The following KLF3 variants were observed in gnomAD, a reference collection of about 807,000 sequenced individuals.
The protein encoded by KLF3 is Krueppel-like factor 3.
In KLF3, 6 loss-of-function variants were observed where a neutral mutation model predicts 32.7. The ratio of observed to expected loss-of-function variants is 0.18; its 90% CI spans 0.10 to 0.36. The LOEUF is 0.36. Ranked by LOEUF, KLF3 falls within the 10% of genes least tolerant of loss-of-function variation. KLF3 has a pLI of 1.00. For synonymous variants in KLF3, 145 were observed against 172.8 expected (o/e 0.84, Z 1.26); for missense variants, 338 against 449.7 (o/e 0.75, Z 2.25).
At chr4:38,672,228 T>C (rs1722217174) in intron 1 of KLF3, among the ~76,000 whole-genome samples, 1 of 152,212 alleles carries the variant, frequency 6.6e-6, no homozygotes, top group Admixed American at 6.5e-5. Flanking sequence ...TACTATAAGC[T>C]AAGTGCTCTT....
intron 1 of KLF3, among the ~76,000 whole-genome samples, chr4:38,679,309 A>T (rs1722447407): frequency 6.6e-6 from 1 of 152,246 alleles, no homozygotes; most frequent in South Asian, 2.1e-4. Context: ...AAATAACTTC[A>T]ATAACCAAAT....
chr4:38,669,921 A>AAAAAAAAAAAAC (rs1722149653), intron 1 of KLF3, among the ~76,000 whole-genome samples: 1 of 136,620 alleles, frequency 7.3e-6, no homozygotes, highest in African/African-American at 2.8e-5. Context: ...AAAAAAAAAA[A>AAAAAAAAAAAAC]AAGATGTCCT....
chr4:38,680,232 G>T (rs370177050), intron 1 of KLF3, among the ~76,000 whole-genome samples: 3 of 149,768 alleles, frequency 2.0e-5, no homozygotes, highest in African/African-American at 4.9e-5. Context: ...TTTTTTTTTT[G>T]AGGTAGTGCC....
At chr4:38,677,779 A>G (rs1287840570) in intron 1 of KLF3, among the ~76,000 whole-genome samples, 1 of 152,150 alleles carries the variant, frequency 6.6e-6, no homozygotes, top group Non-Finnish European at 1.5e-5. Flanking sequence ...AACGCCAGAC[A>G]TTTTTGCTCC....
chr4:38,672,339 G>A (rs1722221148), intron 1 of KLF3, among the ~76,000 whole-genome samples: 1 of 152,188 alleles, frequency 6.6e-6, no homozygotes, highest in African/African-American at 2.4e-5. Context: ...GCTGAGGCCT[G>A]CCTGTCTGTC....
intron 1 of KLF3, among the ~76,000 whole-genome samples, chr4:38,672,795 G>A (rs775006302): frequency 3.3e-5 from 5 of 152,174 alleles, no homozygotes; most frequent in Non-Finnish European, 7.3e-5. Context: ...GAGAGGCTGA[G>A]GGAGACCAGT....
chr4:38,665,237 C>A (rs1050532535), intron 1 of KLF3, among the ~76,000 whole-genome samples: 3 of 152,136 alleles, frequency 2.0e-5, no homozygotes, highest in African/African-American at 7.2e-5. Context: ...GCCGCAGTGC[C>A]TGGAGCAAGG....
intron 2 of KLF3, among the ~76,000 whole-genome samples, chr4:38,683,993 C>T (rs1410935954): frequency 6.6e-6 from 1 of 152,150 alleles, no homozygotes; most frequent in Non-Finnish European, 1.5e-5. Flanking sequence ...CGCACCATGC[C>T]TTCCTGTGCC....
chr4:38,686,571 T>C (rs1334517505), intron 2 of KLF3, among the ~76,000 whole-genome samples: 1 of 152,098 alleles, frequency 6.6e-6, no homozygotes, highest in Non-Finnish European at 1.5e-5. Flanking sequence ...GTTCCCTTGG[T>C]CCACTCCCCG....
chr4:38,670,684 A>G lies in KLF3; in HGVS notation c.-40+6223A>G, dbSNP rs1315354903. ...GGAGTTTTTCTCTCCCAGGCTCCCA[A>G]AGTTTTCACATTTACTTTGCATTTT... On this transcript the variant is annotated intron_variant, in intron 1 of 5. Coordinates refer to ENST00000261438, the MANE Select transcript of KLF3 (RefSeq NM_016531.6). 3.3e-5 allele frequency among the ~76,000 whole-genome samples: 5 copies of G among 152,172 alleles called. 1 individual carries two copies. Among genetic ancestry groups the G allele is most frequent in the South Asian group, 4.1e-4 (2 of 4,832 alleles).
rs976336336 is a variant in KLF3, at chr4:38,671,922, TC to T, written c.-40+7463del. 1.2e-4 allele frequency among the ~76,000 whole-genome samples: 18 copies of T among 151,918 alleles called. No homozygotes were observed. Among genetic ancestry groups the T allele is most frequent in the Non-Finnish European group, 2.2e-4 (15 of 67,968 alleles). Reference sequence around the variant, plus strand: ...GCAGTTCCCCCCCACCTGCCTCCTCTCCTCCCTTTCTCGCTTTCTTTTTTCT... The same window carrying T: ...GCAGTTCCCCCCCACCTGCCTCCTCTCTCCCTTTCTCGCTTTCTTTTTTCT... On this transcript the variant is annotated intron_variant, in intron 1 of 5. Coordinates refer to ENST00000261438, the MANE Select transcript of KLF3 (RefSeq NM_016531.6). The surrounding 1 kb of genome is among the most constrained non-coding windows in gnomAD (Gnocchi z 4.4).
rs988401075 is a variant in KLF3 at position 38,700,017 on chromosome 4, A to G, written c.*2754A>G. The G allele has an allele frequency of 6.6e-6, 1 of 152,234 alleles. No homozygotes were observed. The highest frequency in any genetic ancestry group is 6.5e-5 in the Admixed American group (1 of 15,284). 9.4% of individuals were successfully genotyped at this position (152,234 alleles called of 1,614,324 possible). ...AATGATTTGTAAACATGAAGTTACTATTACGTAAATTCTGTTTGTTATAGA... is the reference window on the plus strand; with the variant it reads ...AATGATTTGTAAACATGAAGTTACTGTTACGTAAATTCTGTTTGTTATAGA... On this transcript the variant is annotated 3_prime_UTR_variant, in exon 6 of 6. Transcript: ENST00000261438.
intron 1 of KLF3, among the ~76,000 whole-genome samples, chr4:38,680,358 C>T (rs981081595): frequency 2.6e-5 from 4 of 151,856 alleles, no homozygotes; most frequent in Non-Finnish European, 2.9e-5. Context: ...GGATTATAGA[C>T]GAGTGCCATC....
intron 1 of KLF3, among the ~76,000 whole-genome samples, chr4:38,676,363 C>T (rs1468582263): frequency 6.6e-6 from 1 of 152,172 alleles, no homozygotes; most frequent in African/African-American, 2.4e-5. Context: ...ATCCCTTGAA[C>T]CCAGGAGGCA....
chr4:38,673,516 C>T (rs573926401), intron 1 of KLF3, among the ~76,000 whole-genome samples: 108 of 152,324 alleles, frequency 7.1e-4, no homozygotes, highest in African/African-American at 2.4e-3. Context: ...TCTTGGGTTG[C>T]CTGCCCTTAA....
In KLF3 at chr4:38,665,935, AG is replaced by A. The variant is rs549862511; in HGVS notation, c.-40+1475del. Among the ~76,000 whole-genome samples the A allele has an allele frequency of 9.5e-4, 144 of 152,346 alleles. 1 individual carries two copies. Among genetic ancestry groups the A allele is most frequent in the African/African-American group, 3.4e-3 (141 of 41,580 alleles). ...TAATATCTACAAATTTTTTGGAGTT[AG>A]TAATAGTGTTTAAGGAAAGTGTCCA... On this transcript the variant is annotated intron_variant, in intron 1 of 5. Transcript: ENST00000261438.
intron 2 of KLF3, among the ~76,000 whole-genome samples, chr4:38,687,941 G>A (rs1421854105): frequency 2.0e-5 from 3 of 152,138 alleles, no homozygotes; most frequent in Admixed American, 6.5e-5. Flanking sequence ...ACAGTTCCAC[G>A]CTGACTAGGA....
At chr4:38,679,882 T>C (rs1722464695) in intron 1 of KLF3, among the ~76,000 whole-genome samples, 1 of 152,226 alleles carries the variant, frequency 6.6e-6, no homozygotes, top group Non-Finnish European at 1.5e-5. Context: ...CGTCTTTTTT[T>C]CCCCTAATTT....
At chr4:38,694,707 G>C (rs369959989) in intron 4 of KLF3, 39 bp from the exon 5 acceptor site, 1 of 1,507,800 alleles carries the variant, frequency 6.6e-7, no homozygotes, top group East Asian at 2.5e-5. Context: ...AAGGAAGAGC[G>C]TGCTCTCAAC....
Sources: allele counts gnomAD v4.1 joint callset (sites outside exome capture counted in the v4.1 genomes callset), GRCh38; gene constraint gnomAD v4.1.1; non-coding constraint Gnocchi (gnomAD v3.1); transcripts MANE v1.5; gene names NCBI Gene and HGNC (gene_info 2026-07-23, HGNC 2026-07-21).